The following TLL1 variants were observed in gnomAD, a reference collection of about 807,000 sequenced individuals.
TLL1 encodes tolloid-like protein 1.
Under a neutral mutation model 128.2 loss-of-function variants are expected in TLL1, and 49 were observed. That is an observed-to-expected ratio of 0.38 (90% confidence interval 0.30 to 0.48). The LOEUF (loss-of-function observed/expected upper bound fraction) is 0.48. Ranked by LOEUF, TLL1 falls within the 20% of genes least tolerant of loss-of-function variation. The probability of loss-of-function intolerance (pLI) is 0.96; values close to 1 mark genes in which losing one functional copy is unlikely to be tolerated. For synonymous variants in TLL1, 454 were observed against 418.8 expected (o/e 1.08, Z -1.03); for missense variants, 1,123 against 1,242.0 (o/e 0.90, Z 1.44).
intron 1 of TLL1, among the ~76,000 whole-genome samples, chr4:165,876,352 A>G (rs1561000569): frequency 6.6e-6 from 1 of 151,634 alleles, no homozygotes; most frequent in Non-Finnish European, 1.5e-5. Flanking sequence ...AAAAAAAATC[A>G]CTGAAATAAG....
intron 1 of TLL1, among the ~76,000 whole-genome samples, chr4:165,936,805 C>T (rs1045281995): frequency 2.6e-5 from 4 of 151,880 alleles, no homozygotes; most frequent in South Asian, 2.1e-4. Context: ...TGGTGGCAGG[C>T]GCCTGTAATC....
intron 1 of TLL1, among the ~76,000 whole-genome samples, chr4:165,978,394 C>T (rs930499621): frequency 9.9e-5 from 15 of 151,866 alleles, no homozygotes; most frequent in Admixed American, 9.8e-4. Flanking sequence ...TTTTAATTAA[C>T]CTCCCCAATT....
chr4:165,923,514 C>T (rs940231698), intron 1 of TLL1, among the ~76,000 whole-genome samples: 1 of 141,154 alleles, frequency 7.1e-6, no homozygotes, highest in Non-Finnish European at 1.5e-5. Context: ...CTGCAAGCTC[C>T]GCCTCCCGGG....
In TLL1 at chr4:166,046,469, C is replaced by T. The variant is rs1230944146; in HGVS notation, c.1524+3050C>T. Among the ~76,000 whole-genome samples the T allele has an allele frequency of 2.0e-5, 3 of 152,142 alleles. No individual in the cohort carries two copies. In the East Asian group the frequency reaches 5.8e-4, roughly 29 times the overall value. ...TAACCTAGTATCACACTGGTGAGTA[C>T]TAAAAGAGCATTAAAACCCAGGTAC... On this transcript the variant is annotated intron_variant, in intron 12 of 20. Coordinates refer to ENST00000061240, the MANE Select transcript of TLL1 (RefSeq NM_012464.5).
intron 12 of TLL1, among the ~76,000 whole-genome samples, chr4:166,043,752 TCTAAA>T (rs998800552): frequency 7.9e-5 from 12 of 152,180 alleles, no homozygotes; most frequent in African/African-American, 2.6e-4. Context: ...TTATTTCTCT[TCTAAA>T]CTAAGAGATT....
At chr4:165,971,753 T>C (rs1735637616) in intron 1 of TLL1, among the ~76,000 whole-genome samples, 1 of 152,194 alleles carries the variant, frequency 6.6e-6, no homozygotes, top group Non-Finnish European at 1.5e-5. Flanking sequence ...GATGTTTTCT[T>C]CTTATCCACT....
intron 1 of TLL1, among the ~76,000 whole-genome samples, chr4:165,916,681 T>C (rs374629497): frequency 1.3e-5 from 2 of 152,136 alleles, no homozygotes; most frequent in East Asian, 1.9e-4. Flanking sequence ...CTCACCAATA[T>C]AGTTTAGCCC....
At chr4:165,957,823 T>A (rs1289730577) in intron 1 of TLL1, among the ~76,000 whole-genome samples, 1 of 149,886 alleles carries the variant, frequency 6.7e-6, no homozygotes, top group African/African-American at 2.5e-5. Flanking sequence ...TAATTCGTCA[T>A]TTAGCATTAG....
chr4:166,089,214 A>G (rs976365102), intron 18 of TLL1, among the ~76,000 whole-genome samples: 1 of 152,090 alleles, frequency 6.6e-6, no homozygotes, highest in Non-Finnish European at 1.5e-5. Flanking sequence ...TCAGAAGCTT[A>G]GTTTCATATT....
At chr4:165,923,478 A>G (rs532867991) in intron 1 of TLL1, among the ~76,000 whole-genome samples, 27 of 111,596 alleles carry the variant, frequency 2.4e-4, no homozygotes, top group Middle Eastern at 8.2e-3. Context: ...GCCCAGGCTG[A>G]AGTGCAGTGG....
intron 8 of TLL1, among the ~76,000 whole-genome samples, chr4:166,018,887 G>A (rs1436862857): frequency 6.6e-6 from 1 of 152,152 alleles, no homozygotes; most frequent in Non-Finnish European, 1.5e-5. Flanking sequence ...ATATTGGAAA[G>A]CAATTTGAAG....
At chr4:166,052,965 G>GTGTATATATATATATATATATATATA in intron 12 of TLL1, among the ~76,000 whole-genome samples, 1,348 of 99,556 alleles carry the variant, frequency 0.014, 168 homozygotes, top group Non-Finnish European at 0.015. Flanking sequence ...GAGGTTATGT[G>GTGTATATATATATATATATATATATA]TATATATATA....
At chr4:166,075,028 T>A in intron 17 of TLL1, 25 bp downstream of exon 17, 1 of 1,611,724 alleles carries the variant, frequency 6.2e-7, no homozygotes, top group South Asian at 1.1e-5. Flanking sequence ...ACACTTTTTT[T>A]GACAACATGT....
chr4:165,969,126 TA>T (rs1418886725), intron 1 of TLL1, among the ~76,000 whole-genome samples: 2 of 152,158 alleles, frequency 1.3e-5, no homozygotes, highest in Non-Finnish European at 2.9e-5. Context: ...TCCAACATGT[TA>T]TGAGAGATTT....
At chr4:166,099,093 G>A (rs1742159881) in intron 19 of TLL1, among the ~76,000 whole-genome samples, 184 bp from the exon 20 acceptor site, 1 of 152,118 alleles carries the variant, frequency 6.6e-6, no homozygotes, top group Non-Finnish European at 1.5e-5. Context: ...GGTCGTCCAT[G>A]TCTGGGGCCT....
intron 18 of TLL1, among the ~76,000 whole-genome samples, chr4:166,089,119 G>C (rs1303692300): frequency 6.6e-6 from 1 of 152,124 alleles, no homozygotes; most frequent in Non-Finnish European, 1.5e-5. Flanking sequence ...AATCAAAAGA[G>C]ATACTTGCTC....
At chr4:166,085,697 C>T (rs1382235221) in intron 18 of TLL1, among the ~76,000 whole-genome samples, 1 of 151,950 alleles carries the variant, frequency 6.6e-6, no homozygotes, top group Non-Finnish European at 1.5e-5. Flanking sequence ...TTGTTGAAGG[C>T]TTTTCATCTA....
chr4:166,086,385 A>G (rs76816544), intron 18 of TLL1, among the ~76,000 whole-genome samples: 8,895 of 152,146 alleles, frequency 0.058, 437 homozygotes, highest in African/African-American at 0.12. Flanking sequence ...ATCTCATAGT[A>G]TGAGGGAGTG....
chr4:166,060,054 C>T lies in TLL1; in HGVS notation c.1873C>T (p.Leu625Phe), dbSNP rs767626674. The change falls in exon 15 of 21, where the codon CTT becomes TTT. Residue 625 changes from leucine (L) to phenylalanine (F), a missense_variant. Leu to Phe is a conservative substitution (Grantham distance 22). Transcript: ENST00000061240. ...TGCTTGTGGTGGACTTCTTACCAAA[C>T]TTAACGGCACCATAACCACCCCTGG... ...EAACGGLLTK[L>F]NGTITTPGWP... 1.9e-6 allele frequency: 3 copies of T among 1,613,714 alleles called. No homozygotes were observed. Among genetic ancestry groups the T allele is most frequent in the Non-Finnish European group, 2.5e-6 (3 of 1,179,862 alleles).
Sources: gnomAD v4.1 joint callset for allele counts (sites outside exome capture counted in the v4.1 genomes callset) on GRCh38, gnomAD v4.1.1 for gene constraint, MANE v1.5 for transcripts, NCBI Gene and HGNC (gene_info 2026-07-23, HGNC 2026-07-21) for gene names.